Variants in MYT1L observed in about 807,000 individuals in gnomAD.
MYT1L encodes the protein myelin transcription factor 1 like.
Under a neutral mutation model 126.7 loss-of-function variants are expected in MYT1L, and 12 were observed. The ratio of observed to expected loss-of-function variants is 0.09; its 90% CI spans 0.06 to 0.15. MYT1L has a LOEUF of 0.15. Ranked by LOEUF, MYT1L falls within the 10% of genes least tolerant of loss-of-function variation. The pLI is 1.00. For missense variants in MYT1L, 979 were observed against 1,585.2 expected (o/e 0.62, Z 6.49); for synonymous variants, 541 against 604.2 (o/e 0.90, Z 1.53).
intron 1 of MYT1L, among the ~76,000 whole-genome samples, chr2:2,311,637 G>T (rs112227183): frequency 0.013 from 2,037 of 152,218 alleles, 18 homozygotes; most frequent in Non-Finnish European, 0.024. Flanking sequence ...AGAGAAGGTC[G>T]GTCCTCCCCC....
intron 4 of MYT1L, among the ~76,000 whole-genome samples, chr2:2,022,341 T>TC (rs1363550949): frequency 6.6e-6 from 1 of 152,220 alleles, no homozygotes; most frequent in East Asian, 1.9e-4. Flanking sequence ...CAGTCCATCC[T>TC]CTGTGCTGGT....
chr2:1,823,707 C>T (rs1486223014), intron 21 of MYT1L, among the ~76,000 whole-genome samples: 2 of 152,072 alleles, frequency 1.3e-5, no homozygotes, highest in African/African-American at 2.4e-5. Context: ...CATGTTCAGC[C>T]CTGCAGGTGG....
intron 5 of MYT1L, among the ~76,000 whole-genome samples, chr2:1,983,337 T>C (rs1283146276): frequency 6.6e-6 from 1 of 152,148 alleles, no homozygotes; most frequent in Non-Finnish European, 1.5e-5. Flanking sequence ...ACAGATGGGG[T>C]TCCCCTTTCT....
chr2:1,956,549 C>CTATCTATCTATCTACCTATCTATCATCT (rs1553355524), intron 8 of MYT1L, among the ~76,000 whole-genome samples: 23 of 139,042 alleles, frequency 1.7e-4, no homozygotes, highest in Admixed American at 7.2e-5. Context: ...ATCTATCTAT[C>CTATCTATCTATCTACCTATCTATCATCT]ATCTATCCTA....
intron 8 of MYT1L, among the ~76,000 whole-genome samples, chr2:1,950,624 G>A (rs1467471370): frequency 2.0e-5 from 3 of 152,180 alleles, no homozygotes; most frequent in Non-Finnish European, 2.9e-5. Context: ...GGAGGAGACT[G>A]AGACAGAGAC....
chr2:1,946,364 T>A (rs2149282076), intron 8 of MYT1L, among the ~76,000 whole-genome samples: 2 of 152,216 alleles, frequency 1.3e-5, no homozygotes, highest in African/African-American at 4.8e-5. Context: ...TTGAATTACA[T>A]CCTCTCCACC....
At chr2:1,919,320 T>C (rs541552480) in intron 10 of MYT1L, among the ~76,000 whole-genome samples, 2 of 152,304 alleles carry the variant, frequency 1.3e-5, no homozygotes, top group South Asian at 4.1e-4. Flanking sequence ...GTTTCTTTTC[T>C]CTTGCAATCT....
At chr2:2,240,634 T>G (rs2094421062) in intron 2 of MYT1L, among the ~76,000 whole-genome samples, 1 of 152,226 alleles carries the variant, frequency 6.6e-6, no homozygotes, top group African/African-American at 2.4e-5. Context: ...CAGCTCTTAC[T>G]TCCATATGGA....
chr2:1,995,539 G>A (rs1162730370), intron 5 of MYT1L, among the ~76,000 whole-genome samples: 3 of 152,192 alleles, frequency 2.0e-5, no homozygotes, highest in Admixed American at 6.5e-5. Flanking sequence ...GGGGTGGAAG[G>A]GAAAAGGAAG....
intron 3 of MYT1L, among the ~76,000 whole-genome samples, chr2:2,087,411 A>G (rs965540312): frequency 2.0e-5 from 3 of 152,192 alleles, no homozygotes; most frequent in African/African-American, 7.2e-5. Flanking sequence ...CACAGGTAAT[A>G]GGCAAAGTGA....
chr2:2,176,268 G>C (rs1336850538), intron 2 of MYT1L, among the ~76,000 whole-genome samples: 2 of 152,082 alleles, frequency 1.3e-5, no homozygotes, highest in Middle Eastern at 3.2e-3. Flanking sequence ...TAGGAAATCA[G>C]GAAAAGAATG....
Position 1,791,813 on chromosome 2 carries a change from C to CA in MYT1L, c.*53dup. On this transcript the variant is annotated 3_prime_UTR_variant, in exon 25 of 25. Coordinates refer to ENST00000647738, the MANE Select transcript of MYT1L (RefSeq NM_001303052.2). The surrounding 1 kb of genome is among the most constrained non-coding windows in gnomAD (Gnocchi z 6.0). ...AACACTTTCTGGTAAGTTACAGCAG[C>CA]AAAAAACAAGAGGCATCCTTTTTAA... 2.0e-6 allele frequency: 3 copies of CA among 1,490,572 alleles called. No individual in the cohort carries two copies. Among genetic ancestry groups the CA allele is most frequent in the South Asian group, 1.4e-5 (1 of 70,068 alleles). 92.3% of individuals were successfully genotyped at this position (1,490,572 alleles called of 1,614,324 possible). A position where few individuals can be genotyped will look rare whatever the true frequency, so the allele number is the denominator to read the frequency against.
At chr2:1,996,709 C>A (rs1308374515) in intron 5 of MYT1L, among the ~76,000 whole-genome samples, 1 of 134,004 alleles carries the variant, frequency 7.5e-6, no homozygotes, top group Non-Finnish European at 1.6e-5. Context: ...AGATGGGCCG[C>A]CTTTACCTAG....
rs1449964846 is a variant in MYT1L, at chr2:1,801,867, GCTTT to G, written c.3173-72_3173-69del. The G allele has an allele frequency of 7.2e-6, 7 of 975,670 alleles. No individual in the cohort carries two copies. Among genetic ancestry groups the G allele is most frequent in the Non-Finnish European group, 3.0e-6 (2 of 662,100 alleles). 60.4% of individuals were successfully genotyped at this position (975,670 alleles called of 1,614,324 possible). On this transcript the variant is annotated intron_variant, in intron 22 of 24. Coordinates refer to ENST00000647738, the MANE Select transcript of MYT1L (RefSeq NM_001303052.2). The surrounding 1 kb of genome is among the most constrained non-coding windows in gnomAD (Gnocchi z 4.2). ...AAATATTAGAGTTAGAATTTTGGGA[GCTTT>G]CTTTGTTCCTTTTATATTCGTAATT...
intron 1 of MYT1L, among the ~76,000 whole-genome samples, chr2:2,327,820 G>T (rs576802900): frequency 6.6e-6 from 1 of 152,170 alleles, no homozygotes; most frequent in South Asian, 2.1e-4. Context: ...CCACAGAGGA[G>T]TTTTTTTTAA....
At chr2:1,956,262 T>TTCTA (rs202147535) in intron 8 of MYT1L, among the ~76,000 whole-genome samples, 7,113 of 138,870 alleles carry the variant, frequency 0.051, 385 homozygotes, top group African/African-American at 0.11. Context: ...ATATTTCCTA[T>TTCTA]TCTATCTGTC....
At chr2:1,942,757 C>A (rs1267079207) in intron 9 of MYT1L, among the ~76,000 whole-genome samples, 2 of 152,168 alleles carry the variant, frequency 1.3e-5, no homozygotes, top group East Asian at 1.9e-4. Flanking sequence ...TACTGACAAC[C>A]AAACTGAATA....
At chr2:2,289,757 A>G (rs2095571800) in intron 1 of MYT1L, among the ~76,000 whole-genome samples, 1 of 152,228 alleles carries the variant, frequency 6.6e-6, no homozygotes, top group Non-Finnish European at 1.5e-5. Context: ...ACTTTAAAGC[A>G]TTTGATATCT....
At chr2:2,280,213 C>G (rs900268884) in intron 2 of MYT1L, among the ~76,000 whole-genome samples, 7 of 152,158 alleles carry the variant, frequency 4.6e-5, no homozygotes, top group African/African-American at 1.7e-4. Context: ...ACTATTCCTG[C>G]TTATATGATG....
Sources: allele counts gnomAD v4.1 joint callset (sites outside exome capture counted in the v4.1 genomes callset), GRCh38; gene constraint gnomAD v4.1.1; non-coding constraint Gnocchi (gnomAD v3.1); transcripts MANE v1.5; gene names NCBI Gene and HGNC (gene_info 2026-07-23, HGNC 2026-07-21).